The following PRDM2 variants were observed in gnomAD, a reference collection of about 807,000 sequenced individuals.
PRDM2 encodes PR/SET domain 2.
PRDM2 carries 30 observed loss-of-function variants against 130.0 expected under a neutral mutation model. The ratio of observed to expected loss-of-function variants is 0.23; its 90% CI spans 0.17 to 0.31. The LOEUF is 0.31. Among genes scored for constraint, PRDM2 ranks in the 10% least tolerant of loss-of-function variants. The pLI, the probability that PRDM2 is intolerant of heterozygous loss-of-function variation, is 1.00. For synonymous variants in PRDM2, 871 were observed against 782.4 expected, an observed-to-expected ratio of 1.11 and a Z score of -1.89; for missense variants, 2,011 against 2,108.4, an observed-to-expected ratio of 0.95 and a Z score of 0.90.
chr1:13,743,477 C>T (rs1484289340), intron 5 of PRDM2, among the ~76,000 whole-genome samples: 2 of 151,112 alleles, frequency 1.3e-5, no homozygotes, highest in African/African-American at 4.9e-5. Flanking sequence ...AATTTCCAGC[C>T]TGTTAAGATG....
Position 13,779,662 on chromosome 1 carries a change from G to T in PRDM2, c.1867G>T (p.Asp623Tyr). 1 of 1,614,122 alleles carries T rather than the reference G, an allele frequency of 6.2e-7. No individual in the cohort carries two copies. Among genetic ancestry groups the T allele is most frequent in the Non-Finnish European group, 8.5e-7 (1 of 1,180,032 alleles). Residue 623 changes from aspartate to tyrosine, a missense_variant, in exon 8 of 10, where the codon GAT (aspartate) becomes TAT (tyrosine). By Grantham distance (160) the Asp-to-Tyr change is radical. Coordinates refer to ENST00000311066, the MANE Select transcript of PRDM2 (RefSeq NM_001393986.1). This position sits in a 1 kb window ranked among gnomAD's most constrained non-coding sequence, Gnocchi z 4.9. ...GACCACACAGGTCCCTGTAACAGAA[G>T]ATCTTCCTAAAGAGCCTTTGGGCAG... ...IKTTQVPVTE[D>Y]LPKEPLGSTN...
At chr1:13,777,041 C>T (rs958731484) in intron 7 of PRDM2, among the ~76,000 whole-genome samples, 8 of 152,276 alleles carry the variant, frequency 5.3e-5, no homozygotes, top group South Asian at 2.1e-4. Flanking sequence ...AACTTTAGCA[C>T]GTCTGAAGTA....
At chr1:13,708,522 T>G (rs963735237) in intron 1 of PRDM2, among the ~76,000 whole-genome samples, 7 of 152,182 alleles carry the variant, frequency 4.6e-5, no homozygotes, top group African/African-American at 1.7e-4. Flanking sequence ...TCGTCCCACC[T>G]GGAGTAAACT....
intron 8 of PRDM2, chr1:13,787,027 G>T (rs561455714): frequency 1.0e-6 from 1 of 985,648 alleles, no homozygotes. Flanking sequence ...GAGGCATTTA[G>T]CTGATCTCTT....
At position 13,741,900 on chromosome 1, in the gene PRDM2, T is replaced by C. The variant is rs184022206; in HGVS notation, c.232-105T>C. ...TTTTTATGAAATGCTTTATATAGAGTACTTGCATATAATGAAAAAGAATTA... is the reference window on the plus strand; with the variant it reads ...TTTTTATGAAATGCTTTATATAGAGCACTTGCATATAATGAAAAAGAATTA... On this transcript the variant is annotated intron_variant, in intron 4 of 9. Coordinates refer to ENST00000311066, the MANE Select transcript of PRDM2 (RefSeq NM_001393986.1). 70 of 856,400 alleles carry C rather than the reference T, an allele frequency of 8.2e-5. No individual in the cohort carries two copies. In the Admixed American group the frequency reaches 8.7e-4, roughly 11 times the overall value. 53.1% of individuals were successfully genotyped at this position (856,400 alleles called of 1,614,324 possible). A position where few individuals can be genotyped will look rare whatever the true frequency, so the allele number is the denominator to read the frequency against.
rs115832282 is a variant in PRDM2, at chr1:13,787,721, C to A, written c.5036+4890C>A. ...ATTTACATTTCACTTTTTTTGTTGG[C>A]GTTGTTAACCCGGAGAGTGCTCCTG... On this transcript the variant is annotated intron_variant, in intron 8 of 9. Transcript: ENST00000311066. The A allele has an allele frequency of 2.7e-3, 2,683 of 984,682 alleles. 73 individuals are homozygous for A. The African/African-American group carries it at 0.044, about 16-fold the overall frequency. The allele number at this position is 984,682 out of a possible 1,614,324, so 61.0% of individuals were successfully genotyped here. A position where few individuals can be genotyped will look rare whatever the true frequency, so the allele number is the denominator to read the frequency against.
intron 6 of PRDM2, among the ~76,000 whole-genome samples, chr1:13,753,264 A>C (rs1178467343): frequency 3.3e-5 from 5 of 152,236 alleles, no homozygotes; most frequent in Admixed American, 3.3e-4. Flanking sequence ...CAGAAAGTTT[A>C]TTACAAAATC....
At chr1:13,817,866 G>C (rs918587459) in intron 9 of PRDM2, among the ~76,000 whole-genome samples, 25 of 152,234 alleles carry the variant, frequency 1.6e-4, no homozygotes, top group African/African-American at 5.8e-4. Context: ...CGGGCATGGT[G>C]GTGGGCGCCT....
chr1:13,756,113 A>G (rs1643945160), intron 6 of PRDM2, among the ~76,000 whole-genome samples: 1 of 151,686 alleles, frequency 6.6e-6, no homozygotes. Context: ...ATACAAAAAA[A>G]TTAGCTGGGC....
chr1:13,732,750 A>G (rs1432738914), intron 3 of PRDM2, 29 bp from the exon 4 acceptor site: 2 of 1,440,556 alleles, frequency 1.4e-6, no homozygotes, highest in African/African-American at 1.4e-5. Flanking sequence ...ACCATGATAC[A>G]TTATAAAAAT....
chr1:13,718,142 C>T (rs1478694294), intron 2 of PRDM2, among the ~76,000 whole-genome samples: 1 of 152,064 alleles, frequency 6.6e-6, no homozygotes, highest in East Asian at 1.9e-4. Flanking sequence ...AAAATAACCA[C>T]ACAACAAAAT....
intron 1 of PRDM2, among the ~76,000 whole-genome samples, chr1:13,701,462 T>TA (rs549207383): frequency 1.7e-4 from 26 of 151,328 alleles, no homozygotes; most frequent in Admixed American, 6.6e-4. Context: ...GTAGGCCTTT[T>TA]AAAAAAAAAC....
Position 13,779,692 on chromosome 1 carries a change from A to G in PRDM2, c.1897A>G (p.Asn633Asp). 3 of 1,614,028 alleles carry G rather than the reference A, an allele frequency of 1.9e-6. No individual in the cohort carries two copies. The highest frequency in any genetic ancestry group is 2.5e-6 in the Non-Finnish European group (3 of 1,179,992). Reference sequence around the variant, plus strand: ...TCCTAAAGAGCCTTTGGGCAGCACAAATAGTGAGGCCAAGAAGCGGAGAAC... The same window carrying G: ...TCCTAAAGAGCCTTTGGGCAGCACAGATAGTGAGGCCAAGAAGCGGAGAAC... ...DLPKEPLGSTNSEAKKRRTAS... is the reference protein window; with the variant it reads ...DLPKEPLGSTDSEAKKRRTAS... The change falls in exon 8 of 10, where the codon AAT becomes GAT. Residue 633 changes from asparagine (N) to aspartate (D), a missense_variant. Asn to Asp is a conservative substitution (Grantham distance 23, BLOSUM62 1). Transcript: ENST00000311066. The surrounding 1 kb of genome is among the most constrained non-coding windows in gnomAD (Gnocchi z 4.9).
In PRDM2 at chr1:13,824,245, G is replaced by A. The variant is rs2697963; in HGVS notation, c.*1110G>A. The A allele has an allele frequency of 1.3e-5, 2 of 152,420 alleles. No individual in the cohort carries two copies. Among genetic ancestry groups the A allele is most frequent in the African/African-American group, 2.4e-5 (1 of 41,382 alleles). 9.4% of individuals were successfully genotyped at this position (152,420 alleles called of 1,614,324 possible). A position where few individuals can be genotyped will look rare whatever the true frequency, so the allele number is the denominator to read the frequency against. On this transcript the variant is annotated 3_prime_UTR_variant, in exon 10 of 10. Transcript: ENST00000311066. ...CAAGGATGTCTGAGACCACTTGGGC[G>A]CTGTTTTCTCAGCTCCAATTTCAAG...
chr1:13,802,640 C>T (rs932832301), intron 8 of PRDM2, among the ~76,000 whole-genome samples: 1 of 152,152 alleles, frequency 6.6e-6, no homozygotes, highest in Non-Finnish European at 1.5e-5. Context: ...AAAGATGGAA[C>T]AGTGGCAATA....
chr1:13,760,529 G>A (rs1264878779), intron 6 of PRDM2, among the ~76,000 whole-genome samples: 1 of 152,188 alleles, frequency 6.6e-6, no homozygotes, highest in East Asian at 1.9e-4. Context: ...TACCTTGAGT[G>A]TTAGGAGATG....
chr1:13,702,030 G>T (rs1642087395), intron 1 of PRDM2, among the ~76,000 whole-genome samples: 1 of 152,106 alleles, frequency 6.6e-6, no homozygotes, highest in Non-Finnish European at 1.5e-5. Flanking sequence ...GTAGAAAATT[G>T]GAAAGTAGAG....
chr1:13,773,502 A>G (rs1644401772), intron 7 of PRDM2: 2 of 175,300 alleles, frequency 1.1e-5, no homozygotes, highest in Non-Finnish European at 2.4e-5. Flanking sequence ...TCTGGAGGCC[A>G]GGAGTTTGAG....
At chr1:13,783,331 AATTG>A (rs1644663092) in intron 8 of PRDM2, 3 of 364,276 alleles carry the variant, frequency 8.2e-6, no homozygotes, top group Non-Finnish European at 1.6e-5. Flanking sequence ...AAATTTTAAT[AATTG>A]ATTGCATCGG....
Sources: allele counts gnomAD v4.1 joint callset (sites outside exome capture counted in the v4.1 genomes callset), GRCh38; gene constraint gnomAD v4.1.1; non-coding constraint Gnocchi (gnomAD v3.1); transcripts MANE v1.5; gene names NCBI Gene and HGNC (gene_info 2026-07-23, HGNC 2026-07-21).